The following RALGDS variants were observed in gnomAD, a reference collection of about 807,000 sequenced individuals.
RALGDS encodes the protein ral guanine nucleotide dissociation stimulator.
A neutral mutation model predicts 99.8 loss-of-function variants in RALGDS; 44 were observed. That is an observed-to-expected ratio of 0.44 (90% CI 0.35 to 0.57). RALGDS has a LOEUF of 0.57. Ranked by LOEUF, RALGDS falls within the 20% of genes least tolerant of loss-of-function variation. RALGDS has a pLI of 0.01. For synonymous variants in RALGDS, 529 were observed against 505.0 expected (o/e 1.05, Z -0.64); for missense variants, 1,022 against 1,203.1 (o/e 0.85, Z 2.23).
chr9:133,099,411 A>G (rs1427368132), intron 17 of RALGDS: 1 of 153,258 alleles, frequency 6.5e-6, no homozygotes, highest in Admixed American at 6.5e-5. Context: ...TGGTGCAAGA[A>G]GCTGCCAGAG....
intron 1 of RALGDS, among the ~76,000 whole-genome samples, chr9:133,126,939 G>A (rs1001268496): frequency 2.0e-5 from 3 of 152,278 alleles, no homozygotes; most frequent in African/African-American, 2.4e-5. Context: ...CCCAGACACC[G>A]CGGCCAGTGG....
chr9:133,145,445 C>A (rs977700020), intron 1 of RALGDS, among the ~76,000 whole-genome samples: 3 of 151,000 alleles, frequency 2.0e-5, no homozygotes, highest in African/African-American at 7.3e-5. Flanking sequence ...GAATATCCAC[C>A]TTTGCTACTT....
chr9:133,147,006 G>C (rs1461513130), intron 1 of RALGDS, among the ~76,000 whole-genome samples: 1 of 152,234 alleles, frequency 6.6e-6, no homozygotes, highest in African/African-American at 2.4e-5. Context: ...CCTGGATCTG[G>C]GTCCACAGAA....
In RALGDS at chr9:133,113,627, C is replaced by A. The variant is rs368325151; in HGVS notation, c.184-1475G>T. 8.3e-4 allele frequency among the ~76,000 whole-genome samples: 127 copies of A among 152,336 alleles called. 3 individuals are homozygous for A. In the South Asian group the frequency reaches 0.021, roughly 25 times the overall value. Reference sequence around the variant, plus strand: ...CAGGAAAAGAGACATACGCTCACCCCCCTTTTCCTGACTCACACATCTCTC... The same window carrying A: ...CAGGAAAAGAGACATACGCTCACCCACCTTTTCCTGACTCACACATCTCTC... On this transcript the variant is annotated intron_variant, in intron 1 of 17. Coordinates refer to ENST00000372050, the MANE Select transcript of RALGDS (RefSeq NM_006266.4).
chr9:133,147,875 C>T (rs62574354), intron 1 of RALGDS, among the ~76,000 whole-genome samples: 18,329 of 152,212 alleles, frequency 0.12, 1,421 homozygotes, highest in African/African-American at 0.22. Context: ...CCCTCTTTCC[C>T]TCTGCTGGTC....
At chr9:133,106,082 C>T (rs530593758) in intron 8 of RALGDS, 66 bp from the exon 9 acceptor site, 65 of 1,307,440 alleles carry the variant, frequency 5.0e-5, no homozygotes, top group East Asian at 7.3e-5. Flanking sequence ...AGTGCAAATC[C>T]GTTTTATTTT....
chr9:133,100,789 A>G, intron 16 of RALGDS: 1 of 1,128,218 alleles, frequency 8.9e-7, no homozygotes, highest in Non-Finnish European at 1.1e-6. Context: ...CAGTGTGGTC[A>G]GCATAGGCCA....
At chr9:133,102,436 C>T in intron 14 of RALGDS, 40 bp downstream of exon 14, 2 of 1,591,534 alleles carry the variant, frequency 1.3e-6, no homozygotes, top group Non-Finnish European at 1.7e-6. Context: ...CTTCTGAGCC[C>T]CAAGGCAGCT....
At chr9:133,131,127 G>A (rs1832321804), upstream of RALGDS, 1 of 1,443,198 alleles carries the variant, frequency 6.9e-7, no homozygotes, top group Non-Finnish European at 9.0e-7. Flanking sequence ...TGCCCCAGCA[G>A]CACCTCGCTC....
At chr9:133,103,981 A>G (rs958297260) in intron 10 of RALGDS, 148 bp from the exon 11 acceptor site, 17 of 868,866 alleles carry the variant, frequency 2.0e-5, no homozygotes, top group Non-Finnish European at 3.0e-5. Flanking sequence ...GACTCCCTCT[A>G]GCCATCTCCC....
chr9:133,117,504 G>A (rs1042360849), intron 1 of RALGDS, among the ~76,000 whole-genome samples: 2 of 152,216 alleles, frequency 1.3e-5, no homozygotes, highest in Non-Finnish European at 2.9e-5. Flanking sequence ...TGCCCCGCCC[G>A]CCAAGCCACT....
At chr9:133,142,987 C>T (rs957760013) in intron 1 of RALGDS, among the ~76,000 whole-genome samples, 1 of 152,256 alleles carries the variant, frequency 6.6e-6, no homozygotes, top group African/African-American at 2.4e-5. Flanking sequence ...TCCAGTGCCT[C>T]AGTTTCCCCA....
Position 133,102,575 on chromosome 9 carries a change from T to C in RALGDS, c.1914-4A>G. On this transcript the variant is annotated splice_region_variant and splice_polypyrimidine_tract_variant and intron_variant, in intron 13 of 17. Transcript: ENST00000372050. ...CAGCTCGCACGACAGGTTGTAGCTA[T>C]GAGCAGAGGGGCAGTGGTGTGACAA... 1.9e-6 allele frequency: 3 copies of C among 1,613,884 alleles called. No homozygotes were observed. The highest frequency in any genetic ancestry group is 2.2e-5 in the East Asian group (1 of 44,880).
At position 133,130,966 on chromosome 9, in the gene RALGDS, G is replaced by A. The variant is rs1456842321; in HGVS notation, c.118C>T (p.Gln40Ter). The A allele has an allele frequency of 1.3e-6, 2 of 1,535,498 alleles. No homozygotes were observed. The highest frequency in any genetic ancestry group is 2.4e-5 in the South Asian group (2 of 84,062). Residue 40 changes from glutamine to a stop codon, truncating the protein, a stop_gained, in exon 1 of 18, where the codon CAG becomes TAG. Transcript: ENST00000372062. LOFTEE classifies it high-confidence loss of function. ...TACTTCCTTACCTTCCTGGGAACCTGGCCGGGTGGATGCCCAGTCCCTGGC... is the reference window on the plus strand; with the variant it reads ...TACTTCCTTACCTTCCTGGGAACCTAGCCGGGTGGATGCCCAGTCCCTGGC...
chr9:133,131,115 A>G, exon 1 of RALGDS: 1 of 1,450,994 alleles, frequency 6.9e-7, no homozygotes, highest in Non-Finnish European at 9.0e-7. Flanking sequence ...CCGCCCAGAC[A>G]CTGCCCCAGC....
upstream of RALGDS, among the ~76,000 whole-genome samples, chr9:133,125,086 G>A (rs903069520): frequency 9.2e-5 from 14 of 152,214 alleles, no homozygotes; most frequent in African/African-American, 2.7e-4. Flanking sequence ...GGTCAGAGAC[G>A]TCTAACAAAT....
At chr9:133,149,056 C>T in exon 1 of RALGDS, 14 of 1,351,036 alleles carry the variant, frequency 1.0e-5, no homozygotes, top group Non-Finnish European at 1.4e-5. Flanking sequence ...TGGGCCCGCG[C>T]GCGGCGCAGG....
upstream of RALGDS, chr9:133,121,299 A>G (rs1218419278): frequency 4.4e-5 from 13 of 296,460 alleles, no homozygotes; most frequent in East Asian, 1.9e-3. Context: ...GGAGGGGAAG[A>G]GGGTGGGGCC....
intron 1 of RALGDS, among the ~76,000 whole-genome samples, chr9:133,147,002 T>A (rs1832632915): frequency 6.6e-6 from 1 of 152,234 alleles, no homozygotes; most frequent in Admixed American, 6.5e-5. Flanking sequence ...CTGCCCTGGA[T>A]CTGGGTCCAC....
Sources: gnomAD v4.1 joint callset for allele counts (sites outside exome capture counted in the v4.1 genomes callset) on GRCh38, gnomAD v4.1.1 for gene constraint, MANE v1.5 for transcripts, NCBI Gene and HGNC (gene_info 2026-07-23, HGNC 2026-07-21) for gene names.